Variants in ARV1 observed in about 807,000 individuals in gnomAD.
ARV1 encodes the protein ARV1 fatty acid homeostasis modulator, also known as protein ARV1.
ARV1 carries 26 observed loss-of-function variants against 31.1 expected under a neutral mutation model. The observed-to-expected ratio is 0.84, with a 90% CI of 0.61 to 1.16. The LOEUF is 1.16. Ranked by LOEUF, ARV1 falls within the 50% of genes most tolerant of loss-of-function variation. The pLI is 0.00. For missense variants in ARV1, 281 were observed against 324.9 expected (o/e 0.86, Z 1.04); for synonymous variants, 117 against 123.2 (o/e 0.95, Z 0.34).
Position 230,988,378 on chromosome 1 carries a change from T to G in ARV1, c.233T>G (p.Ile78Ser). The G allele has an allele frequency of 6.3e-7, 1 of 1,596,116 alleles. No individual in the cohort carries two copies. The highest frequency in any genetic ancestry group is 2.2e-5 in the East Asian group (1 of 44,484). ...YIEYDPVIIL[I>S]NAILCKAQAY... ...GAGTATGATCCTGTTATCATCTTGA[T>G]TAATGCTATATTGTGCAAAGCTCAG... is the stretch of plus-strand genomic sequence containing the variant. Residue 78 changes from isoleucine to serine, a missense_variant, in exon 2 of 6, where the codon ATT becomes AGT. Physicochemically the swap from Ile to Ser is moderately radical, Grantham distance 142. Coordinates refer to ENST00000310256, the MANE Select transcript of ARV1 (RefSeq NM_022786.3).
In ARV1 at chr1:230,989,176, T is replaced by C. The variant is rs1679164018; in HGVS notation, c.294+737T>C. On this transcript the variant is annotated intron_variant, in intron 2 of 5. Coordinates refer to ENST00000310256, the MANE Select transcript of ARV1 (RefSeq NM_022786.3). ...ATTTTTGAGACGGAGTCTTGCTCTG[T>C]CACCCAGGCTGAAGTGCAGTGGCGT... is the stretch of plus-strand genomic sequence containing the variant. Among the ~76,000 whole-genome samples, 3 of 152,216 alleles carry C rather than the reference T, an allele frequency of 2.0e-5. No homozygotes were observed. In the South Asian group the frequency reaches 6.2e-4, roughly 31 times the overall value.
rs1015413591 is a variant in ARV1, at chr1:230,988,412, A to G, written c.267A>G (p.Arg89=). ...TATTGTGCAAAGCTCAGGCCTACAG[A>G]CATATTCTTTTCAATACTCAAATAA... The part of the protein sequence containing the change: ...NAILCKAQAY[R]HILFNTQINI... The change falls in exon 2 of 6, where the codon AGA becomes AGG. Residue 89 remains arginine, a synonymous_variant. Transcript: ENST00000310256. The G allele has an allele frequency of 1.3e-6, 2 of 1,581,494 alleles. No individual in the cohort carries two copies. Among genetic ancestry groups the G allele is most frequent in the Non-Finnish European group, 1.7e-6 (2 of 1,160,360 alleles).
intron 1 of ARV1, chr1:230,979,654 T>C (rs773416039): frequency 3.3e-5 from 8 of 241,812 alleles, no homozygotes; most frequent in African/African-American, 7.1e-5. Context: ...ACAACCCATG[T>C]TGAATTCACC....
intron 5 of ARV1, among the ~76,000 whole-genome samples, chr1:230,997,929 T>G (rs532185005): frequency 2.0e-4 from 31 of 152,302 alleles, no homozygotes; most frequent in African/African-American, 7.5e-4. Flanking sequence ...CCAGTGACCC[T>G]CCCATCAGAG....
chr1:230,987,400 A>G (rs1679114484), intron 1 of ARV1, among the ~76,000 whole-genome samples: 1 of 152,238 alleles, frequency 6.6e-6, no homozygotes, highest in Non-Finnish European at 1.5e-5. Flanking sequence ...AGTGAATGGT[A>G]GCATTGATGC....
At position 230,997,164 on chromosome 1, in the gene ARV1, G is replaced by A. The variant is rs777478350; in HGVS notation, c.717G>A (p.Leu239=). 12 of 1,613,982 alleles carry A rather than the reference G, an allele frequency of 7.4e-6. No homozygotes were observed. Among genetic ancestry groups the A allele is most frequent in the Non-Finnish European group, 8.5e-7 (1 of 1,179,994 alleles). ...INRKLSFLAV[L]SGLLLESIMV... ...GTAAGCTCTCCTTCTTGGCCGTGTTGAGTGGCTTACTGCTGGAAAGCATCA... is the reference window on the plus strand; with the variant it reads ...GTAAGCTCTCCTTCTTGGCCGTGTTAAGTGGCTTACTGCTGGAAAGCATCA... The change falls in exon 5 of 6, where the codon TTG becomes TTA. Residue 239 remains leucine, a synonymous_variant. Transcript: ENST00000310256.
chr1:230,990,069 G>T (rs756206439), intron 2 of ARV1, 41 bp from the exon 3 acceptor site: 2 of 1,566,662 alleles, frequency 1.3e-6, no homozygotes, highest in South Asian at 2.4e-5. Flanking sequence ...GTGCAACTGG[G>T]TTTCCTTACC....
intron 3 of ARV1, among the ~76,000 whole-genome samples, chr1:230,992,019 C>T (rs915409609): frequency 3.3e-5 from 5 of 152,216 alleles, no homozygotes; most frequent in African/African-American, 7.2e-5. Flanking sequence ...TGCATGACTA[C>T]AGTAGCCTCC....
At chr1:230,979,481 T>C (rs1050175573) in intron 1 of ARV1, 8 of 591,126 alleles carry the variant, frequency 1.4e-5, no homozygotes, top group African/African-American at 5.9e-5. Context: ...TTGGGTGATA[T>C]GACCTAAGCC....
At chr1:230,992,119 T>C (rs2103052721) in intron 3 of ARV1, among the ~76,000 whole-genome samples, 1 of 152,334 alleles carries the variant, frequency 6.6e-6, no homozygotes, top group Non-Finnish European at 1.5e-5. Context: ...ACTGTTGTGC[T>C]AGAACACAGT....
intron 3 of ARV1, among the ~76,000 whole-genome samples, chr1:230,991,288 C>T (rs1329735836): frequency 6.6e-6 from 1 of 152,176 alleles, no homozygotes; most frequent in East Asian, 1.9e-4. Flanking sequence ...TGTGTGTCTT[C>T]TTTTGTCCTC....
chr1:230,998,021 T>G (rs1004038115), intron 5 of ARV1, among the ~76,000 whole-genome samples: 2 of 152,222 alleles, frequency 1.3e-5, no homozygotes, highest in African/African-American at 4.8e-5. Flanking sequence ...CACAAGTTCC[T>G]TAAGCTTCCC....
intron 1 of ARV1, among the ~76,000 whole-genome samples, chr1:230,980,071 T>C (rs987883701): frequency 6.6e-6 from 1 of 152,226 alleles, no homozygotes; most frequent in Non-Finnish European, 1.5e-5. Flanking sequence ...TGTAGTAATA[T>C]ACAAGAGAAT....
intron 1 of ARV1, among the ~76,000 whole-genome samples, chr1:230,980,611 G>A (rs1387698267): frequency 6.6e-6 from 1 of 152,088 alleles, no homozygotes. Context: ...TGGGGTTACA[G>A]GCATGAGCCA....
intron 5 of ARV1, 30 bp downstream of exon 5, chr1:230,997,297 C>A: frequency 6.2e-7 from 1 of 1,607,810 alleles, no homozygotes; most frequent in South Asian, 1.1e-5. Flanking sequence ...TTCATGCATT[C>A]AGACATGTAG....
At chr1:230,993,253 G>A (rs1679279348) in intron 3 of ARV1, among the ~76,000 whole-genome samples, 1 of 151,722 alleles carries the variant, frequency 6.6e-6, no homozygotes, top group Non-Finnish European at 1.5e-5. Context: ...ACTGTGCCTG[G>A]CTAATTTAAA....
At chr1:230,982,601 G>A (rs1678940187) in intron 1 of ARV1, among the ~76,000 whole-genome samples, 1 of 152,126 alleles carries the variant, frequency 6.6e-6, no homozygotes, top group African/African-American at 2.4e-5. Context: ...TTGAATGGTG[G>A]CACAGTACTT....
At chr1:230,995,022 T>C (rs1323670838) in intron 3 of ARV1, among the ~76,000 whole-genome samples, 1 of 152,158 alleles carries the variant, frequency 6.6e-6, no homozygotes, top group African/African-American at 2.4e-5. Flanking sequence ...AAAAATAAAA[T>C]AAGGGACTGG....
At chr1:230,990,021 G>A in intron 2 of ARV1, 89 bp from the exon 3 acceptor site, 1 of 1,335,108 alleles carries the variant, frequency 7.5e-7, no homozygotes, top group Admixed American at 2.8e-5. Flanking sequence ...AAAGTGACTA[G>A]GTGGGATGCC....
Sources: allele counts gnomAD v4.1 joint callset (sites outside exome capture counted in the v4.1 genomes callset), GRCh38; gene constraint gnomAD v4.1.1; transcripts MANE v1.5; gene names NCBI Gene and HGNC (gene_info 2026-07-23, HGNC 2026-07-21).